CTNND2: variants seen among roughly 807,000 people sequenced by gnomAD.
CTNND2 encodes the protein catenin delta 2, also known as catenin delta-2.
Under a neutral mutation model 144.4 loss-of-function variants are expected in CTNND2, and 22 were observed. The observed-to-expected ratio is 0.15, with a 90% CI of 0.11 to 0.22. The LOEUF (loss-of-function observed/expected upper bound fraction) is 0.22. CTNND2 is among the 10% of genes least tolerant of loss of function. The pLI is 1.00. For synonymous variants in CTNND2, 751 were observed against 695.6 expected, an observed-to-expected ratio of 1.08 and a Z score of -1.25; for missense variants, 1,353 against 1,618.8, an observed-to-expected ratio of 0.84 and a Z score of 2.82.
At chr5:11,794,753 G>A (rs1791312276) in intron 1 of CTNND2, among the ~76,000 whole-genome samples, 1 of 152,110 alleles carries the variant, frequency 6.6e-6, no homozygotes, top group African/African-American at 2.4e-5. Flanking sequence ...TGATCGACAG[G>A]ATATAAAATA....
At chr5:11,410,307 A>T (rs1292340292) in intron 5 of CTNND2, among the ~76,000 whole-genome samples, 2 of 152,196 alleles carry the variant, frequency 1.3e-5, no homozygotes, top group Non-Finnish European at 2.9e-5. Context: ...ATCTGTGTAT[A>T]CACAGCAATG....
intron 3 of CTNND2, among the ~76,000 whole-genome samples, chr5:11,421,620 C>G (rs572325019): frequency 1.3e-5 from 2 of 152,146 alleles, no homozygotes; most frequent in Non-Finnish European, 2.9e-5. Flanking sequence ...GAAATGGGAA[C>G]AGTGGACACT....
At chr5:11,520,166 A>AG in intron 3 of CTNND2, among the ~76,000 whole-genome samples, 1 of 147,088 alleles carries the variant, frequency 6.8e-6, no homozygotes, top group African/African-American at 2.5e-5. Context: ...AAAAAAAAAA[A>AG]GAAAGAAAAT....
intron 3 of CTNND2, among the ~76,000 whole-genome samples, chr5:11,538,414 C>G (rs1425568776): frequency 6.6e-6 from 1 of 152,152 alleles, no homozygotes; most frequent in East Asian, 1.9e-4. Flanking sequence ...TTTTGTTAAA[C>G]TAACCGTTTC....
intron 16 of CTNND2, among the ~76,000 whole-genome samples, chr5:11,064,774 A>C (rs923432328): frequency 6.6e-6 from 1 of 152,256 alleles, no homozygotes; most frequent in Non-Finnish European, 1.5e-5. Flanking sequence ...CAGAATGCTT[A>C]AAGGAAAGTT....
intron 5 of CTNND2, among the ~76,000 whole-genome samples, chr5:11,411,276 G>C (rs893854279): frequency 1.3e-5 from 2 of 152,146 alleles, no homozygotes; most frequent in African/African-American, 4.8e-5. Flanking sequence ...TCAGAGAACA[G>C]TGAGAATCAC....
intron 5 of CTNND2, among the ~76,000 whole-genome samples, chr5:11,408,250 C>G (rs1209879085): frequency 1.3e-5 from 2 of 152,034 alleles, no homozygotes; most frequent in Non-Finnish European, 2.9e-5. Flanking sequence ...TCATCTGGAA[C>G]CTAACTAATA....
rs1737311945 is a variant in CTNND2, at chr5:10,981,807, T to C, written c.3383A>G (p.Tyr1128Cys). 1 of 1,613,964 alleles carries C rather than the reference T, an allele frequency of 6.2e-7. No individual in the cohort carries two copies. Among genetic ancestry groups the C allele is most frequent in the Non-Finnish European group, 8.5e-7 (1 of 1,179,996 alleles). The change falls in exon 21 of 22, where the codon TAT (tyrosine) becomes TGT (cysteine). Residue 1128 changes from tyrosine (Y) to cysteine (C), a missense_variant. Around this residue, in one of 4 missense-constraint regions of CTNND2, gnomAD observed 459 missense variants for 674.3 expected, o/e 0.68. Transcript: ENST00000304623. Reference protein sequence around the residue: ...TGISTLYRNSYGAPAEDIKHN... With the variant: ...TGISTLYRNSCGAPAEDIKHN... ...TTTGATGTCTTCAGCGGGCGCACCATAAGAATTCCTATACAAAGTTGAAAT... is the reference window on the plus strand; with the variant it reads ...TTTGATGTCTTCAGCGGGCGCACCACAAGAATTCCTATACAAAGTTGAAAT...
chr5:11,188,854 T>C (rs1312265930), intron 11 of CTNND2, among the ~76,000 whole-genome samples: 4 of 152,308 alleles, frequency 2.6e-5, no homozygotes, highest in East Asian at 1.9e-4. Context: ...TCCTCTAGTT[T>C]AACAGATCAT....
intron 15 of CTNND2, among the ~76,000 whole-genome samples, chr5:11,093,686 TAA>T (rs1048274314): frequency 2.6e-5 from 4 of 152,200 alleles, no homozygotes; most frequent in African/African-American, 9.6e-5. Flanking sequence ...TGTTGGGTCA[TAA>T]AAAGTTAAGA....
At chr5:11,339,841 G>A (rs1214499247) in intron 9 of CTNND2, among the ~76,000 whole-genome samples, 2 of 152,186 alleles carry the variant, frequency 1.3e-5, no homozygotes, top group Non-Finnish European at 2.9e-5. Flanking sequence ...GGAAGTGTAA[G>A]AAATAAATTC....
At chr5:11,644,936 A>G (rs541270621) in intron 2 of CTNND2, among the ~76,000 whole-genome samples, 2 of 152,298 alleles carry the variant, frequency 1.3e-5, no homozygotes, top group East Asian at 3.9e-4. Flanking sequence ...TGAAATCATC[A>G]AATAGTTATA....
At chr5:11,221,542 C>A (rs1395424703) in intron 10 of CTNND2, among the ~76,000 whole-genome samples, 1 of 152,150 alleles carries the variant, frequency 6.6e-6, no homozygotes, top group Non-Finnish European at 1.5e-5. Context: ...ACAGAGATTG[C>A]AAAAACATAG....
chr5:11,422,417 TA>T (rs1762444389), intron 3 of CTNND2, among the ~76,000 whole-genome samples: 1 of 152,206 alleles, frequency 6.6e-6, no homozygotes, highest in African/African-American at 2.4e-5. Context: ...AAATCAGAAC[TA>T]AATTGCCGCT....
intron 2 of CTNND2, among the ~76,000 whole-genome samples, chr5:11,706,911 C>T (rs1190494004): frequency 6.6e-6 from 1 of 151,846 alleles, no homozygotes; most frequent in Admixed American, 6.6e-5. Flanking sequence ...CGGTGAAACC[C>T]CATCTCTACT....
intron 18 of CTNND2, among the ~76,000 whole-genome samples, chr5:11,013,351 T>A (rs1027279560): frequency 6.6e-6 from 1 of 152,236 alleles, no homozygotes; most frequent in Admixed American, 6.5e-5. Context: ...AATTATCTCA[T>A]GTAATTTTCT....
intron 9 of CTNND2, among the ~76,000 whole-genome samples, chr5:11,314,259 G>A (rs1250789609): frequency 6.6e-6 from 1 of 152,006 alleles, no homozygotes; most frequent in Non-Finnish European, 1.5e-5. Context: ...ATCATTTCTC[G>A]TTCTTTCCTA....
Position 11,732,149 on chromosome 5 carries a change from G to A in CTNND2, c.161C>T (p.Ser54Leu), listed in dbSNP as rs1787421419. 1 of 1,613,338 alleles carries A rather than the reference G, an allele frequency of 6.2e-7. No homozygotes were observed. The highest frequency in any genetic ancestry group is 1.3e-5 in the African/African-American group (1 of 74,912). Residue 54 changes from serine to leucine, a missense_variant, in exon 2 of 22, where the codon TCA (serine) becomes TTA (leucine). Around this residue, in one of 4 missense-constraint regions of CTNND2, gnomAD observed 708 missense variants for 706.4 expected, o/e 1.00. Coordinates refer to ENST00000304623, the MANE Select transcript of CTNND2 (RefSeq NM_001332.4). ...GAATGTTTCTACCTGTTCTTTGACT[G>A]AGGCGAGGATGGCAGAGGTGGTTTC... ...ETETTSAILA[S>L]VKEQELQFER...
chr5:11,601,404 G>T (rs910099455), intron 2 of CTNND2, among the ~76,000 whole-genome samples: 1 of 151,986 alleles, frequency 6.6e-6, no homozygotes, highest in African/African-American at 2.4e-5. Context: ...TGAAAAAAAT[G>T]AAAGGAAGGC....
Sources: gnomAD v4.1 joint callset for allele counts (sites outside exome capture counted in the v4.1 genomes callset) on GRCh38, gnomAD v4.1.1 for gene constraint, gnomAD v4.1.1 regional missense constraint, MANE v1.5 for transcripts, NCBI Gene and HGNC (gene_info 2026-07-23, HGNC 2026-07-21) for gene names.